The following SLC4A10 variants were observed in gnomAD, a reference collection of about 807,000 sequenced individuals.
The protein encoded by SLC4A10 is solute carrier family 4 member 10.
SLC4A10 carries 42 observed loss-of-function variants against 137.7 expected under a neutral mutation model. The observed-to-expected ratio is 0.30, with a 90% CI of 0.24 to 0.39. SLC4A10 has a LOEUF of 0.39. Ranked by LOEUF, SLC4A10 falls within the 10% of genes least tolerant of loss-of-function variation. The probability of loss-of-function intolerance (pLI) is 1.00; values close to 1 mark genes in which losing one functional copy is unlikely to be tolerated. For missense variants in SLC4A10, 925 were observed against 1,355.0 expected (o/e 0.68, Z 4.98); for synonymous variants, 474 against 464.1 (o/e 1.02, Z -0.27).
intron 1 of SLC4A10, among the ~76,000 whole-genome samples, chr2:161,761,277 G>A (rs566725405): frequency 1.6e-4 from 25 of 152,184 alleles, no homozygotes; most frequent in East Asian, 7.7e-4. Context: ...TAGAAAGAAC[G>A]AGGACTTGGG....
intron 11 of SLC4A10, among the ~76,000 whole-genome samples, chr2:161,897,228 T>C (rs2063596196): frequency 6.6e-6 from 1 of 152,146 alleles, no homozygotes; most frequent in Non-Finnish European, 1.5e-5. Context: ...TTAGGGTCAT[T>C]TTTTAAATTG....
At chr2:161,741,646 A>T (rs1036699628) in intron 1 of SLC4A10, among the ~76,000 whole-genome samples, 6 of 152,176 alleles carry the variant, frequency 3.9e-5, no homozygotes, top group Non-Finnish European at 7.3e-5. Context: ...TGTTGTCACA[A>T]ATGGCAGGAT....
intron 21 of SLC4A10, among the ~76,000 whole-genome samples, chr2:161,960,825 C>T (rs1227510860): frequency 6.6e-6 from 1 of 152,012 alleles, no homozygotes; most frequent in Non-Finnish European, 1.5e-5. Flanking sequence ...GAAGTTTTCT[C>T]CCCTAAGACC....
chr2:161,879,188 G>A lies in SLC4A10; in HGVS notation c.1006G>A (p.Val336Met). Residue 336 changes from valine to methionine, a missense_variant, in exon 9 of 27, where the codon GTG becomes ATG. Physicochemically the swap from Val to Met is conservative, Grantham distance 21. Around this residue, in one of 11 missense-constraint regions of SLC4A10, gnomAD observed 277 missense variants for 306.1 expected, o/e 0.90. Transcript: ENST00000446997. ...PPGAEASNIL[V>M]GELEFLDRTV... is the part of the protein sequence containing the mutation. ...AGGTGCTGAAGCATCGAACATCTTA[G>A]TGGGAGAACTGGAGTTCTTGGATCG... is the stretch of plus-strand genomic sequence containing the variant. The A allele has an allele frequency of 6.2e-7, 1 of 1,613,590 alleles. No individual in the cohort carries two copies. The highest frequency in any genetic ancestry group is 8.5e-7 in the Non-Finnish European group (1 of 1,179,612).
chr2:161,763,031 C>T (rs1445913706), intron 1 of SLC4A10, among the ~76,000 whole-genome samples: 1 of 152,026 alleles, frequency 6.6e-6, no homozygotes, highest in Non-Finnish European at 1.5e-5. Flanking sequence ...TGAAAGTGTT[C>T]CATACTTACA....
At chr2:161,761,383 G>A (rs1238805629) in intron 1 of SLC4A10, among the ~76,000 whole-genome samples, 3 of 151,968 alleles carry the variant, frequency 2.0e-5, no homozygotes, top group Non-Finnish European at 2.9e-5. Context: ...TTGTGATAAG[G>A]CATTTATGAG....
chr2:161,957,732 T>G (rs1009334000), intron 20 of SLC4A10, among the ~76,000 whole-genome samples: 5 of 152,160 alleles, frequency 3.3e-5, no homozygotes, highest in Non-Finnish European at 7.3e-5. Context: ...ACATCATCAT[T>G]GCATATAGTG....
chr2:161,661,843 A>G (rs1473814629), intron 1 of SLC4A10, among the ~76,000 whole-genome samples: 1 of 152,190 alleles, frequency 6.6e-6, no homozygotes, highest in Non-Finnish European at 1.5e-5. Flanking sequence ...AAAAAAATAT[A>G]TATTTTACTA....
At chr2:161,857,946 A>C (rs1442737819) in intron 5 of SLC4A10, among the ~76,000 whole-genome samples, 2 of 152,152 alleles carry the variant, frequency 1.3e-5, no homozygotes, top group African/African-American at 4.8e-5. Flanking sequence ...TCCTGGGTTC[A>C]ATTGATCCAC....
At chr2:161,878,127 T>A (rs753774451) in intron 8 of SLC4A10, among the ~76,000 whole-genome samples, 1 of 152,126 alleles carries the variant, frequency 6.6e-6, no homozygotes, top group Non-Finnish European at 1.5e-5. Context: ...AAAAAAATCT[T>A]CTCAGCCCCA....
At chr2:161,749,107 G>T (rs2048687448) in intron 1 of SLC4A10, among the ~76,000 whole-genome samples, 3 of 152,096 alleles carry the variant, frequency 2.0e-5, no homozygotes, top group Middle Eastern at 6.8e-3. Context: ...AAATGCAACT[G>T]ATTTTTGTGT....
intron 6 of SLC4A10, among the ~76,000 whole-genome samples, chr2:161,865,263 A>G (rs928017689): frequency 1.3e-5 from 2 of 152,066 alleles, no homozygotes; most frequent in African/African-American, 2.4e-5. Context: ...TTAAACTTCT[A>G]TTAAACATTA....
At chr2:161,884,155 A>G (rs1048155856) in intron 10 of SLC4A10, among the ~76,000 whole-genome samples, 2 of 152,156 alleles carry the variant, frequency 1.3e-5, no homozygotes, top group Non-Finnish European at 2.9e-5. Context: ...GTATTTCTAT[A>G]TTGATTTGTA....
chr2:161,876,215 C>T (rs965824615), intron 8 of SLC4A10, among the ~76,000 whole-genome samples: 2 of 152,126 alleles, frequency 1.3e-5, no homozygotes, highest in Non-Finnish European at 2.9e-5. Context: ...ATTCAGAGGA[C>T]CAGAAACTTC....
chr2:161,634,108 T>C (rs570944289), intron 1 of SLC4A10, among the ~76,000 whole-genome samples: 1 of 152,006 alleles, frequency 6.6e-6, no homozygotes, highest in African/African-American at 2.4e-5. Flanking sequence ...GAGTACCATA[T>C]TGTGTTTAGA....
intron 3 of SLC4A10, among the ~76,000 whole-genome samples, chr2:161,829,081 G>T (rs1161409950): frequency 4.0e-5 from 6 of 151,626 alleles, no homozygotes; most frequent in African/African-American, 1.5e-4. Flanking sequence ...TAATGCTGGT[G>T]TGGCCTGACT....
At chr2:161,864,259 G>T (rs560412785) in intron 6 of SLC4A10, among the ~76,000 whole-genome samples, 1 of 152,038 alleles carries the variant, frequency 6.6e-6, no homozygotes, top group Non-Finnish European at 1.5e-5. Context: ...ATTTTCAAAT[G>T]CTTTACTGGA....
At chr2:161,918,634 G>A (rs1292129852) in intron 15 of SLC4A10, among the ~76,000 whole-genome samples, 4 of 152,148 alleles carry the variant, frequency 2.6e-5, no homozygotes, top group African/African-American at 7.2e-5. Context: ...GACAAGGAGG[G>A]CAAAATACCT....
chr2:161,882,228 G>T, intron 9 of SLC4A10, 129 bp from the exon 10 acceptor site: 1 of 564,964 alleles, frequency 1.8e-6, no homozygotes, highest in Non-Finnish European at 3.0e-6. Context: ...AATGAACTAT[G>T]AAAAACTATG....
Sources: gnomAD v4.1 joint callset for allele counts (sites outside exome capture counted in the v4.1 genomes callset) on GRCh38, gnomAD v4.1.1 for gene constraint, gnomAD v4.1.1 regional missense constraint, MANE v1.5 for transcripts, NCBI Gene and HGNC (gene_info 2026-07-23, HGNC 2026-07-21) for gene names.